The following SF3A1 variants were observed in gnomAD, a reference collection of about 807,000 sequenced individuals.
SF3A1 encodes SAP 114.
Under a neutral mutation model 89.9 loss-of-function variants are expected in SF3A1, and 13 were observed. The observed-to-expected ratio is 0.14, with a 90% CI of 0.09 to 0.23. The LOEUF is 0.23. Ranked by LOEUF, SF3A1 falls within the 10% of genes least tolerant of loss-of-function variation. SF3A1 has a pLI of 1.00. For synonymous variants in SF3A1, 405 were observed against 374.4 expected (o/e 1.08, Z -0.94); for missense variants, 604 against 1,022.1 (o/e 0.59, Z 5.58).
intron 1 of SF3A1, among the ~76,000 whole-genome samples, chr22:30,355,060 T>G (rs1931730979): frequency 6.6e-6 from 1 of 152,226 alleles, no homozygotes; most frequent in Non-Finnish European, 1.5e-5. Context: ...AGTCTCTTGC[T>G]GTCGCCCAGG....
intron 1 of SF3A1, among the ~76,000 whole-genome samples, chr22:30,355,387 G>A (rs998487297): frequency 4.6e-5 from 7 of 152,190 alleles, no homozygotes; most frequent in African/African-American, 9.7e-5. Flanking sequence ...GGCAGAACCA[G>A]GATTCTAACA....
At position 30,333,594 on chromosome 22, in the gene SF3A1, TCA is replaced by T. The variant is rs1440213962; in HGVS notation, c.*998_*999del. 1 of 152,232 alleles carries T rather than the reference TCA, an allele frequency of 6.6e-6. No individual in the cohort carries two copies. Among genetic ancestry groups the T allele is most frequent in the African/African-American group, 2.4e-5 (1 of 41,456 alleles). The allele number at this position is 152,232 out of a possible 1,614,324, so 9.4% of individuals were successfully genotyped here. A position where few individuals can be genotyped will look rare whatever the true frequency, so the allele number is the denominator to read the frequency against. ...TTTTGCACACATTCTCTTTTCACTT[TCA>T]CAGTGTGTGACTATGGCATGCAACT... On this transcript the variant is annotated 3_prime_UTR_variant, in exon 16 of 16. Transcript: ENST00000215793.
intron 1 of SF3A1, 96 bp from the exon 2 acceptor site, chr22:30,353,168 T>G: frequency 4.1e-6 from 6 of 1,460,784 alleles, no homozygotes; most frequent in Non-Finnish European, 5.5e-6. Context: ...CAGAGTAGAC[T>G]TTCATTCACA....
intron 2 of SF3A1, among the ~76,000 whole-genome samples, chr22:30,348,496 A>T (rs1041080331): frequency 3.9e-5 from 6 of 152,204 alleles, no homozygotes; most frequent in Admixed American, 6.5e-5. Context: ...AAAATTTTTT[A>T]AATTTTTTTT....
At chr22:30,336,477 G>A (rs922406450) in intron 13 of SF3A1, among the ~76,000 whole-genome samples, 4 of 152,142 alleles carry the variant, frequency 2.6e-5, no homozygotes, top group Non-Finnish European at 4.4e-5. Flanking sequence ...AAAACAAAAC[G>A]AAACAATTTG....
intron 2 of SF3A1, among the ~76,000 whole-genome samples, chr22:30,351,128 G>A (rs971772640): frequency 1.3e-5 from 2 of 152,064 alleles, no homozygotes; most frequent in East Asian, 1.9e-4. Flanking sequence ...GTGAAACCAC[G>A]TCTCTACTAA....
Position 30,334,427 on chromosome 22 carries a change from G to A in SF3A1, c.*167C>T. ...AGCTACTCTTACCAATGTGGGGAAA[G>A]GGTCAGGGGAATGAACCTCTGCAGG... On this transcript the variant is annotated 3_prime_UTR_variant, in exon 16 of 16. Transcript: ENST00000215793. 1 of 519,282 alleles carries A rather than the reference G, an allele frequency of 1.9e-6. No individual in the cohort carries two copies. Among genetic ancestry groups the A allele is most frequent in the Non-Finnish European group, 3.4e-6 (1 of 294,998 alleles). 32.2% of individuals were successfully genotyped at this position (519,282 alleles called of 1,614,324 possible). A position where few individuals can be genotyped will look rare whatever the true frequency, so the allele number is the denominator to read the frequency against.
Position 30,338,029 on chromosome 22 carries a change from A to G in SF3A1, c.1744-132T>C, listed in dbSNP as rs1233705684. The G allele has an allele frequency of 4.1e-6, 3 of 727,918 alleles. No individual in the cohort carries two copies. The East Asian group carries it at 8.0e-5, about 19-fold the overall frequency. The allele number at this position is 727,918 out of a possible 1,614,324, so 45.1% of individuals were successfully genotyped here. A position where few individuals can be genotyped will look rare whatever the true frequency, so the allele number is the denominator to read the frequency against. The stretch of plus-strand genomic sequence containing the variant: ...ACTACGTCCTGGCCCCCTGGGACTG[A>G]GAAACTGTGGCCTACACTGGGCGTC... On this transcript the variant is annotated intron_variant, in intron 11 of 15. Coordinates refer to ENST00000215793, the MANE Select transcript of SF3A1 (RefSeq NM_005877.6).
At chr22:30,350,304 T>TAAAAAAAAAAAAAAAAAAA (rs567383762) in intron 2 of SF3A1, among the ~76,000 whole-genome samples, 4 of 135,066 alleles carry the variant, frequency 3.0e-5, no homozygotes, top group Non-Finnish European at 4.9e-5. Context: ...ACAAAAAAAC[T>TAAAAAAAAAAAAAAAAAAA]AAAAAAAATA....
At chr22:30,351,655 C>A (rs933402749) in intron 2 of SF3A1, among the ~76,000 whole-genome samples, 17 of 152,202 alleles carry the variant, frequency 1.1e-4, no homozygotes, top group African/African-American at 4.1e-4. Flanking sequence ...CCCATGCCAC[C>A]ACAGCCAGAT....
chr22:30,340,457 G>T, intron 8 of SF3A1, 76 bp from the exon 9 acceptor site: 1 of 1,413,458 alleles, frequency 7.1e-7, no homozygotes, highest in Middle Eastern at 1.9e-4. Flanking sequence ...TTTCATGCGT[G>T]CATCATTCAT....
chr22:30,356,787 C>T lies in SF3A1; in HGVS notation c.6G>A (p.Pro2=), dbSNP rs980895834. 2.8e-6 allele frequency: 4 copies of T among 1,420,190 alleles called. No homozygotes were observed. Among genetic ancestry groups the T allele is most frequent in the Non-Finnish European group, 3.7e-6 (4 of 1,077,776 alleles). 88.0% of individuals were successfully genotyped at this position (1,420,190 alleles called of 1,614,324 possible). Residue 2 remains proline, a synonymous_variant, in exon 1 of 16, where the codon CCG becomes CCA. Coordinates refer to ENST00000215793, the MANE Select transcript of SF3A1 (RefSeq NM_005877.6). M[P]AGPVQAVPPP... ...GGGGCACCGCCTGCACGGGTCCGGC[C>T]GGCATGACTGCGACGCTCAGGGCTG...
Position 30,333,737 on chromosome 22 carries a change from T to A in SF3A1, c.*857A>T, listed in dbSNP as rs1007748256. On this transcript the variant is annotated 3_prime_UTR_variant, in exon 16 of 16. Transcript: ENST00000215793. The stretch of plus-strand genomic sequence containing the variant: ...TAGAGAGTAAATTATTTAAACTTTA[T>A]CAAATCCTTGGTACATGACCTTAAT... The A allele has an allele frequency of 6.6e-6, 1 of 152,260 alleles. No homozygotes were observed. The highest frequency in any genetic ancestry group is 2.4e-5 in the African/African-American group (1 of 41,470). 9.4% of individuals were successfully genotyped at this position (152,260 alleles called of 1,614,324 possible).
In SF3A1 at chr22:30,339,199, G is replaced by A. The variant is rs376103528; in HGVS notation, c.1428C>T (p.Ile476=). 3.5e-5 allele frequency: 56 copies of A among 1,614,042 alleles called. No individual in the cohort carries two copies. Among genetic ancestry groups the A allele is most frequent in the Non-Finnish European group, 4.2e-5 (50 of 1,180,046 alleles). ...LKQLAERRTD[I]FGVEETAIGK... ...CAATGGCTGTTTCCTCTACACCGAAGATGTCAGTACGCCGCTCAGCCAACT... is the reference window on the plus strand; with the variant it reads ...CAATGGCTGTTTCCTCTACACCGAAAATGTCAGTACGCCGCTCAGCCAACT... The change falls in exon 10 of 16, where the codon ATC becomes ATT. Residue 476 remains isoleucine (I), a synonymous_variant. Coordinates refer to ENST00000215793, the MANE Select transcript of SF3A1 (RefSeq NM_005877.6).
chr22:30,348,366 G>A (rs797001462), intron 2 of SF3A1, among the ~76,000 whole-genome samples: 11 of 152,294 alleles, frequency 7.2e-5, no homozygotes, highest in Admixed American at 1.3e-4. Context: ...GTGGGAGCCC[G>A]GCACAGTGGC....
Position 30,338,798 on chromosome 22 carries a change from T to C in SF3A1, c.1734A>G (p.Arg578=). 1 of 1,613,980 alleles carries C rather than the reference T, an allele frequency of 6.2e-7. No homozygotes were observed. The highest frequency in any genetic ancestry group is 2.2e-5 in the East Asian group (1 of 44,882). Residue 578 remains arginine (R), a synonymous_variant, in exon 11 of 16, where the codon CGA becomes CGG. Coordinates refer to ENST00000215793, the MANE Select transcript of SF3A1 (RefSeq NM_005877.6). ...GTAGATGCTGGCTTACTGTGGGTGG[T>C]CGGGGCACTGAAGTGATGGGTGGAG... The part of the protein sequence containing the change: ...SSAPPITSVP[R]PPTMPPPVRT...
At position 30,346,297 on chromosome 22, in the gene SF3A1, C is replaced by A. The variant is rs1289822185; in HGVS notation, c.393+15G>T. 2 of 1,537,412 alleles carry A rather than the reference C, an allele frequency of 1.3e-6. No homozygotes were observed. The highest frequency in any genetic ancestry group is 1.1e-5 in the South Asian group (1 of 89,458). On this transcript the variant is annotated intron_variant, in intron 3 of 15. Transcript: ENST00000215793. ...TCAAGCCCTGCGTAAGTGAAGGGGG[C>A]ACTGGGCTCCAAACCTTCTGGGGCA...
chr22:30,356,554 C>T (rs888962403), intron 1 of SF3A1, 176 bp downstream of exon 1: 2 of 456,474 alleles, frequency 4.4e-6, no homozygotes, highest in Non-Finnish European at 7.3e-6. Flanking sequence ...TAGAGAATCC[C>T]GTTCAGGGTG....
rs1332426696 is a variant in SF3A1 at position 30,332,940 on chromosome 22, G to C, written c.*1654C>G. The C allele has an allele frequency of 6.6e-6, 1 of 152,260 alleles. No homozygotes were observed. The highest frequency in any genetic ancestry group is 1.5e-5 in the Non-Finnish European group (1 of 68,098). The allele number at this position is 152,260 out of a possible 1,614,324, so 9.4% of individuals were successfully genotyped here. On this transcript the variant is annotated 3_prime_UTR_variant, in exon 16 of 16. Transcript: ENST00000215793. ...GCTCCCAGAAAGAAAGAAGAACTTG[G>C]AATATGAGACTCCCCAGGTCTCCTG... is the stretch of plus-strand genomic sequence containing the variant.
Sources: allele counts gnomAD v4.1 joint callset (sites outside exome capture counted in the v4.1 genomes callset), GRCh38; gene constraint gnomAD v4.1.1; transcripts MANE v1.5; gene names NCBI Gene and HGNC (gene_info 2026-07-23, HGNC 2026-07-21).